The following TLCD2 variants were observed in gnomAD, a reference collection of about 807,000 sequenced individuals.
TLCD2 encodes TLC domain-containing protein 2.
In TLCD2, 12 loss-of-function variants were observed where a neutral mutation model predicts 14.0. The observed-to-expected ratio is 0.86, with a 90% CI of 0.55 to 1.39. The LOEUF (loss-of-function observed/expected upper bound fraction) is 1.39. TLCD2 is among the 40% of genes most tolerant of loss of function. TLCD2 has a pLI of 0.00. For missense variants in TLCD2, 360 were observed against 346.8 expected, an observed-to-expected ratio of 1.04 and a Z score of -0.30; for synonymous variants, 166 against 156.5, an observed-to-expected ratio of 1.06 and a Z score of -0.45.
rs1297369622 is a variant in TLCD2, at chr17:1,704,450, T to C, written c.*3320A>G. 1 of 152,024 alleles carries C rather than the reference T, an allele frequency of 6.6e-6. No homozygotes were observed. Among genetic ancestry groups the C allele is most frequent in the African/African-American group, 2.4e-5 (1 of 41,400 alleles). 9.4% of individuals were successfully genotyped at this position (152,024 alleles called of 1,614,324 possible). ...CTCTGACAAAATTCTGCATTGTTTC[T>C]CTAGCTCACTATCTATACCTTTGCC... On this transcript the variant is annotated 3_prime_UTR_variant, in exon 4 of 4. Transcript: ENST00000330676.
Position 1,705,629 on chromosome 17 carries a change from TTCTC to T in TLCD2, c.*2137_*2140del, listed in dbSNP as rs1203046499. The stretch of plus-strand genomic sequence containing the variant: ...TCTGTCACCTCTATGTGAATAATCC[TTCTC>T]TCTTTCTATCTATCACTCAATCTAT... On this transcript the variant is annotated 3_prime_UTR_variant, in exon 4 of 4. Transcript: ENST00000330676. The T allele has an allele frequency of 2.6e-5, 4 of 152,286 alleles. No homozygotes were observed. The highest frequency in any genetic ancestry group is 5.9e-5 in the Non-Finnish European group (4 of 68,060). 9.4% of individuals were successfully genotyped at this position (152,286 alleles called of 1,614,324 possible).
Position 1,710,347 on chromosome 17 carries a change from C to T in TLCD2, c.-105G>A. ...TTTCCCGGCAGGGCTGGGGCCCCGG[C>T]TCCCCTCCCCGCCGCGCCTTTGGGA... On this transcript the variant is annotated 5_prime_UTR_variant, in exon 1 of 4. Transcript: ENST00000330676. The surrounding 1 kb of genome is among the most constrained non-coding windows in gnomAD (Gnocchi z 6.1). 1.0e-6 allele frequency: 1 copy of T among 970,576 alleles called. No homozygotes were observed. Among genetic ancestry groups the T allele is most frequent in the Non-Finnish European group, 1.4e-6 (1 of 699,870 alleles). 60.1% of individuals were successfully genotyped at this position (970,576 alleles called of 1,614,324 possible).
At position 1,709,514 on chromosome 17, in the gene TLCD2, G is replaced by T. The variant is rs1914149253; in HGVS notation, c.327C>A (p.Leu109=). 6.5e-7 allele frequency: 1 copy of T among 1,536,320 alleles called. No homozygotes were observed. The highest frequency in any genetic ancestry group is 1.4e-5 in the African/African-American group (1 of 72,820). ...NQTLGKTWDL[L]CHHLVVVSCL... Reference sequence around the variant, plus strand: ...AGAGTCTCACCACCAAATGATGACAGAGAAGATCCCAGGTCTTGCCCAAGG... The same window carrying T: ...AGAGTCTCACCACCAAATGATGACATAGAAGATCCCAGGTCTTGCCCAAGG... The change falls in exon 3 of 4, where the codon CTC becomes CTA. Residue 109 remains leucine, a synonymous_variant. Transcript: ENST00000330676.
At chr17:1,709,280 C>T (rs990762698) in intron 3 of TLCD2, among the ~76,000 whole-genome samples, 6 of 148,610 alleles carry the variant, frequency 4.0e-5, no homozygotes, top group African/African-American at 1.5e-4. Context: ...ATCCCAGCTA[C>T]GTGGGAGGCT....
chr17:1,707,478 C>A lies in TLCD2; in HGVS notation c.*292G>T. Reference sequence around the variant, plus strand: ...ACTGGCAGTTTCTTCCAGCTGCATGCCTCCTGCCACCCTTTACTGATAGCT... The same window carrying A: ...ACTGGCAGTTTCTTCCAGCTGCATGACTCCTGCCACCCTTTACTGATAGCT... On this transcript the variant is annotated 3_prime_UTR_variant, in exon 4 of 4. Transcript: ENST00000330676. The A allele has an allele frequency of 2.6e-6, 1 of 383,222 alleles. No homozygotes were observed. Among genetic ancestry groups the A allele is most frequent in the Non-Finnish European group, 4.7e-6 (1 of 213,816 alleles). 23.7% of individuals were successfully genotyped at this position (383,222 alleles called of 1,614,324 possible).
In TLCD2 at chr17:1,708,143, T is replaced by C; in HGVS notation, c.422A>G (p.Asn141Ser). 1.3e-6 allele frequency: 2 copies of C among 1,536,344 alleles called. No individual in the cohort carries two copies. Among genetic ancestry groups the C allele is most frequent in the South Asian group, 1.2e-5 (1 of 84,028 alleles). The stretch of plus-strand genomic sequence containing the variant: ...CTTCCGCAGGTGCAAGCAGGCAGAG[T>C]TCAGTTCCAGGAGCAGAGACACCAT... ...FSMVSLLLEL[N>S]SACLHLRKLL... Residue 141 changes from asparagine to serine, a missense_variant, in exon 4 of 4, where the codon AAC becomes AGC. Transcript: ENST00000330676.
rs1226466639 is a variant in TLCD2 at position 1,705,738 on chromosome 17, T to C, written c.*2032A>G. On this transcript the variant is annotated 3_prime_UTR_variant, in exon 4 of 4. Transcript: ENST00000330676. ...GGTTTTTGTTTTGTTTTGTTTTTTTTTGAAGACAATCTTCCTGTCTCTTGC... is the reference window on the plus strand; with the variant it reads ...GGTTTTTGTTTTGTTTTGTTTTTTTCTGAAGACAATCTTCCTGTCTCTTGC... The C allele has an allele frequency of 2.0e-5, 3 of 152,308 alleles. No individual in the cohort carries two copies. Among genetic ancestry groups the C allele is most frequent in the African/African-American group, 7.2e-5 (3 of 41,450 alleles). The allele number at this position is 152,308 out of a possible 1,614,324, so 9.4% of individuals were successfully genotyped here. A position where few individuals can be genotyped will look rare whatever the true frequency, so the allele number is the denominator to read the frequency against.
intron 3 of TLCD2, among the ~76,000 whole-genome samples, chr17:1,708,978 G>C (rs1222048118): frequency 6.6e-6 from 1 of 152,164 alleles, no homozygotes; most frequent in Non-Finnish European, 1.5e-5. Flanking sequence ...CCCTGGCCTG[G>C]TGGGTATCTG....
Position 1,710,206 on chromosome 17 carries a change from A to C in TLCD2, c.37T>G (p.Phe13Val). ...PTGLLVAGASFLAFRGLHWGL... is the reference protein window; with the variant it reads ...PTGLLVAGASVLAFRGLHWGL... ...CAGTGCAGCCCCCGGAACGCGAGGA[A>C]GGAGGCGCCGGCCACCAGGAGCCCC... The change falls in exon 1 of 4, where the codon TTC becomes GTC. Residue 13 changes from phenylalanine to valine, a missense_variant. Transcript: ENST00000330676. The surrounding 1 kb of genome is among the most constrained non-coding windows in gnomAD (Gnocchi z 6.1). 1 of 1,526,970 alleles carries C rather than the reference A, an allele frequency of 6.5e-7. No individual in the cohort carries two copies. Among genetic ancestry groups the C allele is most frequent in the South Asian group, 1.2e-5 (1 of 83,382 alleles). 94.6% of individuals were successfully genotyped at this position (1,526,970 alleles called of 1,614,324 possible). A position where few individuals can be genotyped will look rare whatever the true frequency, so the allele number is the denominator to read the frequency against.
intron 3 of TLCD2, among the ~76,000 whole-genome samples, chr17:1,709,118 G>A (rs1437172650): frequency 6.6e-6 from 1 of 152,174 alleles, no homozygotes; most frequent in Non-Finnish European, 1.5e-5. Context: ...GCCGGGGGCG[G>A]TGGCTCATGC....
Position 1,710,231 on chromosome 17 carries a change from C to T in TLCD2, c.12G>A (p.Thr4=), listed in dbSNP as rs776124541. Residue 4 remains threonine, a synonymous_variant, in exon 1 of 4, where the codon ACG becomes ACA. Coordinates refer to ENST00000330676, the MANE Select transcript of TLCD2 (RefSeq NM_001164407.2). This position sits in a 1 kb window ranked among gnomAD's most constrained non-coding sequence, Gnocchi z 6.1. ...AGGAGGCGCCGGCCACCAGGAGCCC[C>T]GTGGGCGCCATGGCCTGGCGGTTGG... MAP[T]GLLVAGASFL... is the part of the protein sequence containing the mutation. 1.3e-6 allele frequency: 2 copies of T among 1,523,598 alleles called. No homozygotes were observed. The highest frequency in any genetic ancestry group is 2.4e-5 in the South Asian group (2 of 83,072). 94.4% of individuals were successfully genotyped at this position (1,523,598 alleles called of 1,614,324 possible). A position where few individuals can be genotyped will look rare whatever the true frequency, so the allele number is the denominator to read the frequency against.
At chr17:1,708,905 A>C (rs8076112) in intron 3 of TLCD2, among the ~76,000 whole-genome samples, 23,707 of 152,116 alleles carry the variant, frequency 0.16, 2,445 homozygotes, top group East Asian at 0.53. Context: ...CCTTAGGCTC[A>C]CATGGTGGGT....
In TLCD2 at chr17:1,709,563, C is replaced by T; in HGVS notation, c.278G>A (p.Gly93Glu). The T allele has an allele frequency of 6.5e-7, 1 of 1,537,168 alleles. No homozygotes were observed. The highest frequency in any genetic ancestry group is 8.7e-7 in the Non-Finnish European group (1 of 1,146,890). Reference protein sequence around the residue: ...AVSVGYFLADGADLLWNQTLG... With the variant: ...AVSVGYFLADEADLLWNQTLG... ...GGTCTGGTTCCACAGCAGGTCAGCTCCGTCTGCCAGGAAGTAACCTGTGGG... is the reference window on the plus strand; with the variant it reads ...GGTCTGGTTCCACAGCAGGTCAGCTTCGTCTGCCAGGAAGTAACCTGTGGG... The change falls in exon 3 of 4, where the codon GGA becomes GAA. Residue 93 changes from glycine to glutamate, a missense_variant. Coordinates refer to ENST00000330676, the MANE Select transcript of TLCD2 (RefSeq NM_001164407.2).
In TLCD2 at chr17:1,709,909, T is replaced by TGG. The variant is rs542232539; in HGVS notation, c.177-25_177-24dup. The TGG allele has an allele frequency of 7.2e-3, 8,036 of 1,118,646 alleles. 95 individuals carry two copies. The highest frequency in any genetic ancestry group is 0.06 in the African/African-American group (3,821 of 63,414). 69.3% of individuals were successfully genotyped at this position (1,118,646 alleles called of 1,614,324 possible). A position where few individuals can be genotyped will look rare whatever the true frequency, so the allele number is the denominator to read the frequency against. On this transcript the variant is annotated intron_variant, in intron 1 of 3. Transcript: ENST00000330676. The stretch of plus-strand genomic sequence containing the variant: ...AGGCTGGGGGCATGGGGTGGGGACA[T>TGG]GGGGGGGGGCATGGTCAGCCTCTCG...
In TLCD2 at chr17:1,707,746, C is replaced by A. The variant is rs548621928; in HGVS notation, c.*24G>T. 6.1e-5 allele frequency: 89 copies of A among 1,460,188 alleles called. No individual in the cohort carries two copies. The African/African-American group carries it at 1.2e-3, about 19-fold the overall frequency. The allele number at this position is 1,460,188 out of a possible 1,614,324, so 90.5% of individuals were successfully genotyped here. On this transcript the variant is annotated 3_prime_UTR_variant, in exon 4 of 4. Transcript: ENST00000330676. Reference sequence around the variant, plus strand: ...CTCCTTGTCCTGGCCCCACCTCCCCCAGCGAGGGGCCCATGGCTTCTCTCT... The same window carrying A: ...CTCCTTGTCCTGGCCCCACCTCCCCAAGCGAGGGGCCCATGGCTTCTCTCT...
chr17:1,710,235 G>A lies in TLCD2; in HGVS notation c.8C>T (p.Pro3Leu). 1 of 1,523,312 alleles carries A rather than the reference G, an allele frequency of 6.6e-7. No homozygotes were observed. Among genetic ancestry groups the A allele is most frequent in the Non-Finnish European group, 8.8e-7 (1 of 1,142,290 alleles). The allele number at this position is 1,523,312 out of a possible 1,614,324, so 94.4% of individuals were successfully genotyped here. A position where few individuals can be genotyped will look rare whatever the true frequency, so the allele number is the denominator to read the frequency against. Reference sequence around the variant, plus strand: ...GGCGCCGGCCACCAGGAGCCCCGTGGGCGCCATGGCCTGGCGGTTGGGGGG... The same window carrying A: ...GGCGCCGGCCACCAGGAGCCCCGTGAGCGCCATGGCCTGGCGGTTGGGGGG... MA[P>L]TGLLVAGASF... Residue 3 changes from proline (P) to leucine (L), a missense_variant, in exon 1 of 4, where the codon CCC becomes CTC. By Grantham distance (98) the Pro-to-Leu change is moderately conservative (BLOSUM62 -3). Transcript: ENST00000330676. The surrounding 1 kb of genome is among the most constrained non-coding windows in gnomAD (Gnocchi z 6.1).
intron 3 of TLCD2, among the ~76,000 whole-genome samples, chr17:1,708,859 T>C (rs1403561912): frequency 6.6e-6 from 1 of 152,210 alleles, no homozygotes; most frequent in Non-Finnish European, 1.5e-5. Context: ...TCCACATTTC[T>C]GTGATCAGCT....
chr17:1,709,568 T>G lies in TLCD2; in HGVS notation c.273A>C (p.Ala91=). Residue 91 remains alanine (A), a synonymous_variant, in exon 3 of 4, where the codon GCA becomes GCC. Transcript: ENST00000330676. ...LVAVSVGYFL[A]DGADLLWNQT... is the part of the protein sequence containing the mutation. ...GGTTCCACAGCAGGTCAGCTCCGTC[T>G]GCCAGGAAGTAACCTGTGGGCATGG... 1 of 1,537,092 alleles carries G rather than the reference T, an allele frequency of 6.5e-7. No homozygotes were observed. Among genetic ancestry groups the G allele is most frequent in the East Asian group, 2.4e-5 (1 of 40,900 alleles).
chr17:1,707,822 C>T lies in TLCD2; in HGVS notation c.743G>A (p.Arg248His), dbSNP rs746087246. 3.1e-5 allele frequency: 48 copies of T among 1,528,684 alleles called. No individual in the cohort carries two copies. The highest frequency in any genetic ancestry group is 6.1e-5 in the South Asian group (5 of 82,626). The allele number at this position is 1,528,684 out of a possible 1,614,324, so 94.7% of individuals were successfully genotyped here. ...GTTGCTGGTGACAGGTCCATTGTCACGACGTGTCCTGGTCCCCCTGGTTTT... is the reference window on the plus strand; with the variant it reads ...GTTGCTGGTGACAGGTCCATTGTCATGACGTGTCCTGGTCCCCCTGGTTTT... ...HEKTRGTRTR[R>H]DNGPVTSNSS... Residue 248 changes from arginine (R) to histidine (H), a missense_variant, in exon 4 of 4, where the codon CGT becomes CAT. By Grantham distance (29) the Arg-to-His change is conservative (BLOSUM62 0). Transcript: ENST00000330676.
Sources: allele counts gnomAD v4.1 joint callset (sites outside exome capture counted in the v4.1 genomes callset), GRCh38; gene constraint gnomAD v4.1.1; non-coding constraint Gnocchi (gnomAD v3.1); transcripts MANE v1.5; gene names NCBI Gene and HGNC (gene_info 2026-07-23, HGNC 2026-07-21).